Variants in ZRANB3 observed in about 807,000 individuals in gnomAD.
The protein encoded by ZRANB3 is DNA annealing helicase and endonuclease ZRANB3.
A neutral mutation model predicts 133.8 loss-of-function variants in ZRANB3; 125 were observed. That is an observed-to-expected ratio of 0.93 (90% CI 0.81 to 1.08). ZRANB3 has a LOEUF of 1.08. ZRANB3 is among the 50% of genes least tolerant of loss of function. The pLI is 0.00. For synonymous variants in ZRANB3, 387 were observed against 432.7 expected, an observed-to-expected ratio of 0.89 and a Z score of 1.31; for missense variants, 1,229 against 1,275.5, an observed-to-expected ratio of 0.96 and a Z score of 0.56.
At chr2:135,266,796 CA>C (rs1680271222) in intron 11 of ZRANB3, among the ~76,000 whole-genome samples, 1 of 151,552 alleles carries the variant, frequency 6.6e-6, no homozygotes, top group Admixed American at 6.6e-5. Context: ...TAATAAGAAA[CA>C]TTTACAATCT....
chr2:135,520,694 C>T (rs1693898425), intron 1 of ZRANB3, among the ~76,000 whole-genome samples: 1 of 152,096 alleles, frequency 6.6e-6, no homozygotes, highest in African/African-American at 2.4e-5. Context: ...AAGCAATTCT[C>T]CTGTCTCAGC....
At chr2:135,412,087 T>A (rs1423609864) in intron 2 of ZRANB3, among the ~76,000 whole-genome samples, 1 of 152,164 alleles carries the variant, frequency 6.6e-6, no homozygotes, top group Non-Finnish European at 1.5e-5. Context: ...AAATAAATAA[T>A]AATGTGTATT....
chr2:135,208,694 GA>G (rs1443303698), intron 18 of ZRANB3, among the ~76,000 whole-genome samples, 173 bp downstream of exon 18: 2 of 152,160 alleles, frequency 1.3e-5, no homozygotes, highest in Admixed American at 1.3e-4. Context: ...TTAAAATGAG[GA>G]CACCAGGTAC....
intron 2 of ZRANB3, among the ~76,000 whole-genome samples, chr2:135,442,126 C>T (rs753353541): frequency 6.6e-6 from 1 of 152,156 alleles, no homozygotes; most frequent in Non-Finnish European, 1.5e-5. Context: ...ATTCAGGACA[C>T]AGGCATGGGC....
At chr2:135,290,673 C>G (rs1681657687) in intron 8 of ZRANB3, among the ~76,000 whole-genome samples, 1 of 146,662 alleles carries the variant, frequency 6.8e-6, no homozygotes. Context: ...CTCCCCCCCT[C>G]CACCCCCACC....
At chr2:135,211,163 A>G (rs980704758) in intron 17 of ZRANB3, among the ~76,000 whole-genome samples, 1 of 152,220 alleles carries the variant, frequency 6.6e-6, no homozygotes, top group Non-Finnish European at 1.5e-5. Context: ...ACCAATTTAA[A>G]GTTTACAATT....
intron 2 of ZRANB3, among the ~76,000 whole-genome samples, chr2:135,452,814 G>A (rs1217855682): frequency 2.0e-5 from 3 of 152,210 alleles, no homozygotes; most frequent in Non-Finnish European, 4.4e-5. Flanking sequence ...GACTGGTGTT[G>A]AGTGTCTGCA....
intron 5 of ZRANB3, among the ~76,000 whole-genome samples, chr2:135,348,252 C>A (rs1685036697): frequency 6.8e-6 from 1 of 148,068 alleles, no homozygotes. Context: ...GAGTGAGACT[C>A]TGTCTCAAAA....
intron 6 of ZRANB3, among the ~76,000 whole-genome samples, chr2:135,325,363 G>A (rs1683755419): frequency 6.6e-6 from 1 of 151,958 alleles, no homozygotes; most frequent in Non-Finnish European, 1.5e-5. Context: ...ACCAGTGAAT[G>A]TCCACATAAT....
chr2:135,450,655 T>C (rs1690227092), intron 2 of ZRANB3, among the ~76,000 whole-genome samples: 1 of 151,854 alleles, frequency 6.6e-6, no homozygotes. Flanking sequence ...AAATGCAAAA[T>C]AAACAATGGG....
intron 3 of ZRANB3, among the ~76,000 whole-genome samples, chr2:135,357,896 A>AG (rs1230232733): frequency 6.6e-6 from 1 of 152,184 alleles, no homozygotes; most frequent in Non-Finnish European, 1.5e-5. Flanking sequence ...AAGAGGGGTT[A>AG]GGTTAAGTTT....
intron 11 of ZRANB3, among the ~76,000 whole-genome samples, chr2:135,266,908 AAACTCTTTCAACC>A (rs1194307715): frequency 6.6e-6 from 1 of 152,174 alleles, no homozygotes; most frequent in Non-Finnish European, 1.5e-5. Flanking sequence ...GTCTTCAGAT[AAACTCTTTCAACC>A]AACTGCCAAT....
chr2:135,438,277 G>T (rs554677808), intron 2 of ZRANB3, among the ~76,000 whole-genome samples: 2 of 152,110 alleles, frequency 1.3e-5, no homozygotes, highest in East Asian at 3.9e-4. Flanking sequence ...GGCTGAGGCG[G>T]GTGGATCACC....
chr2:135,316,967 G>GAAAAAAAA (rs36092486), intron 6 of ZRANB3, among the ~76,000 whole-genome samples: 3 of 98,124 alleles, frequency 3.1e-5, no homozygotes, highest in African/African-American at 9.5e-5. Flanking sequence ...TCCGTCTCGA[G>GAAAAAAAA]AAAAAAAAAA....
intron 3 of ZRANB3, among the ~76,000 whole-genome samples, chr2:135,388,076 T>A (rs1412599215): frequency 1.3e-5 from 2 of 152,280 alleles, no homozygotes; most frequent in Non-Finnish European, 2.9e-5. Flanking sequence ...TCCACATGGC[T>A]AGGGAGGCTC....
intron 12 of ZRANB3, among the ~76,000 whole-genome samples, chr2:135,236,558 C>T (rs1037943235): frequency 3.3e-5 from 5 of 152,152 alleles, no homozygotes; most frequent in Non-Finnish European, 5.9e-5. Flanking sequence ...GCTACAGTAA[C>T]CAAAACAGCA....
chr2:135,329,362 TGGTTGTAGATG>T (rs1190142172), intron 6 of ZRANB3, among the ~76,000 whole-genome samples: 1 of 152,126 alleles, frequency 6.6e-6, no homozygotes, highest in Non-Finnish European at 1.5e-5. Context: ...AAAGATCAGA[TGGTTGTAGATG>T]TGTGGTGTTA....
At chr2:135,384,166 C>T (rs934490671) in intron 3 of ZRANB3, among the ~76,000 whole-genome samples, 2 of 152,118 alleles carry the variant, frequency 1.3e-5, no homozygotes, top group African/African-American at 4.8e-5. Flanking sequence ...GGGGATATCA[C>T]CACCAATTCC....
chr2:135,373,519 G>C (rs1686275353), intron 3 of ZRANB3, among the ~76,000 whole-genome samples: 1 of 152,152 alleles, frequency 6.6e-6, no homozygotes, highest in Non-Finnish European at 1.5e-5. Flanking sequence ...TGGGTGCAGT[G>C]GCTCACACCT....
Sources: allele counts gnomAD v4.1 joint callset (sites outside exome capture counted in the v4.1 genomes callset), GRCh38; gene constraint gnomAD v4.1.1; transcripts MANE v1.5; gene names NCBI Gene and HGNC (gene_info 2026-07-23, HGNC 2026-07-21).